Variants in ENTREP2 observed in about 807,000 individuals in gnomAD.
ENTREP2 encodes the protein endosomal transmembrane epsin interactor 2.
At chr15:29,614,728 G>A in the ENTREP2 span, among the ~76,000 whole-genome samples, 1 of 152,168 alleles carries the variant, frequency 6.6e-6, no homozygotes, top group Non-Finnish European at 1.5e-5. Flanking sequence ...CCACGTAGTA[G>A]CCAGCACTGG....
At chr15:29,279,129 C>G in the ENTREP2 span, among the ~76,000 whole-genome samples, 2 of 152,170 alleles carry the variant, frequency 1.3e-5, no homozygotes, top group Non-Finnish European at 2.9e-5. Context: ...TTTCCACACA[C>G]AGTAAGTCTG....
chr15:29,666,718 C>A, the ENTREP2 span, among the ~76,000 whole-genome samples: 1 of 152,168 alleles, frequency 6.6e-6, no homozygotes, highest in African/African-American at 2.4e-5. Context: ...GAAAGCTCTT[C>A]CCTGAGTTAT....
chr15:29,477,994 T>C, the ENTREP2 span, among the ~76,000 whole-genome samples: 1 of 73,346 alleles, frequency 1.4e-5, no homozygotes, highest in African/African-American at 5.9e-5. Flanking sequence ...TAAATTTAAC[T>C]ATATATATAT....
At chr15:29,146,615 G>A in the ENTREP2 span, among the ~76,000 whole-genome samples, 2 of 152,262 alleles carry the variant, frequency 1.3e-5, no homozygotes, top group South Asian at 2.1e-4. Context: ...CTCACACAGT[G>A]TATAACAATG....
the ENTREP2 span, among the ~76,000 whole-genome samples, chr15:29,342,270 G>A: frequency 6.6e-6 from 1 of 152,208 alleles, no homozygotes; most frequent in African/African-American, 2.4e-5. Context: ...GTGAGGGAAA[G>A]GGACTGCTGT....
At chr15:29,476,165 A>G in the ENTREP2 span, among the ~76,000 whole-genome samples, 2 of 152,230 alleles carry the variant, frequency 1.3e-5, no homozygotes, top group African/African-American at 2.4e-5. Context: ...TAAAATCTGC[A>G]ATTCTTTTCT....
chr15:29,579,938 C>G, the ENTREP2 span, among the ~76,000 whole-genome samples: 4 of 151,910 alleles, frequency 2.6e-5, no homozygotes, highest in Non-Finnish European at 5.9e-5. Context: ...TCTCAATCTC[C>G]TGACCTCAAG....
the ENTREP2 span, among the ~76,000 whole-genome samples, chr15:29,203,140 C>T: frequency 6.6e-6 from 1 of 152,224 alleles, no homozygotes; most frequent in Non-Finnish European, 1.5e-5. Context: ...CGGTGGCTCA[C>T]GCCTATAATC....
At chr15:29,137,015 G>A in the ENTREP2 span, 2 of 1,415,122 alleles carry the variant, frequency 1.4e-6, no homozygotes, top group South Asian at 1.7e-5. Flanking sequence ...CGAGATGGGG[G>A]CAGCCGCGGG....
At chr15:29,601,710 T>A in the ENTREP2 span, among the ~76,000 whole-genome samples, 12 of 152,314 alleles carry the variant, frequency 7.9e-5, no homozygotes, top group Admixed American at 3.9e-4. Flanking sequence ...TGTACTTTCA[T>A]CTTTGTTGGC....
chr15:29,171,286 C>A, the ENTREP2 span, among the ~76,000 whole-genome samples: 1 of 152,168 alleles, frequency 6.6e-6, no homozygotes, highest in African/African-American at 2.4e-5. Context: ...TTAAACCATC[C>A]GAAACACCAT....
the ENTREP2 span, among the ~76,000 whole-genome samples, chr15:29,213,952 T>C: frequency 6.6e-6 from 1 of 152,168 alleles, no homozygotes; most frequent in African/African-American, 2.4e-5. Flanking sequence ...TCAACATCAC[T>C]GGCCATCAGA....
At chr15:29,571,175 C>T in the ENTREP2 span, among the ~76,000 whole-genome samples, 8 of 151,748 alleles carry the variant, frequency 5.3e-5, no homozygotes, top group East Asian at 1.6e-3. Context: ...GCGGTCCTGG[C>T]GTCCCAGCCT....
the ENTREP2 span, among the ~76,000 whole-genome samples, chr15:29,598,533 T>C: frequency 1.3e-5 from 2 of 152,358 alleles, no homozygotes; most frequent in Admixed American, 1.3e-4. Context: ...TATTTCATCA[T>C]TGCACTGATG....
chr15:29,512,905 T>C, the ENTREP2 span, among the ~76,000 whole-genome samples: 9 of 152,200 alleles, frequency 5.9e-5, no homozygotes, highest in Non-Finnish European at 8.8e-5. Flanking sequence ...CCACGCTCTA[T>C]AGTTTGGTTC....
At chr15:29,306,893 A>T in the ENTREP2 span, among the ~76,000 whole-genome samples, 1 of 150,918 alleles carries the variant, frequency 6.6e-6, no homozygotes, top group African/African-American at 2.5e-5. Flanking sequence ...CTACAGGCGC[A>T]TGCCACCATG....
At chr15:29,306,001 C>T in the ENTREP2 span, among the ~76,000 whole-genome samples, 186 of 152,316 alleles carry the variant, frequency 1.2e-3, no homozygotes, top group African/African-American at 4.3e-3. Context: ...GAACTGGAAG[C>T]CACATGGAGC....
the ENTREP2 span, chr15:29,267,526 T>C: frequency 3.3e-5 from 5 of 152,190 alleles, no homozygotes; most frequent in Non-Finnish European, 7.3e-5. Context: ...AAATTCAGTT[T>C]GCCAGACAGC....
At chr15:29,220,933 T>G in the ENTREP2 span, among the ~76,000 whole-genome samples, 1 of 152,210 alleles carries the variant, frequency 6.6e-6, no homozygotes, top group Non-Finnish European at 1.5e-5. Flanking sequence ...GATGTTCAAA[T>G]TATTTGTGAA....
Sources: gnomAD v4.1 joint callset for allele counts (sites outside exome capture counted in the v4.1 genomes callset) on GRCh38, gnomAD v4.1.1 for gene constraint, MANE v1.5 for transcripts, NCBI Gene and HGNC (gene_info 2026-07-23, HGNC 2026-07-21) for gene names.